WSCD2: variants seen among roughly 807,000 people sequenced by gnomAD.
WSCD2 encodes the protein WSC domain sialate O sulfotransferase 2, also known as sialate:O-sulfotransferase 2.
WSCD2 carries 28 observed loss-of-function variants against 55.7 expected under a neutral mutation model. That is an observed-to-expected ratio of 0.50 (90% CI 0.37 to 0.69). WSCD2 has a LOEUF of 0.69. Ranked by LOEUF, WSCD2 falls within the 30% of genes least tolerant of loss-of-function variation. The probability of loss-of-function intolerance (pLI) is 0.00; values close to 1 mark genes in which losing one functional copy is unlikely to be tolerated. For missense variants in WSCD2, 616 were observed against 762.1 expected (o/e 0.81, Z 2.26); for synonymous variants, 301 against 301.9 (o/e 1.00, Z 0.03).
intron 4 of WSCD2, among the ~76,000 whole-genome samples, chr12:108,214,265 C>T (rs1203987456): frequency 6.6e-6 from 1 of 152,144 alleles, no homozygotes; most frequent in Non-Finnish European, 1.5e-5. Flanking sequence ...TTTTTATCTC[C>T]CAAGGACCAT....
intron 7 of WSCD2, among the ~76,000 whole-genome samples, chr12:108,235,662 T>G (rs913537045): frequency 2.6e-5 from 4 of 152,132 alleles, no homozygotes; most frequent in Non-Finnish European, 5.9e-5. Context: ...AAAGAAAACA[T>G]AACCCCCCTG....
At chr12:108,196,343 G>C (rs1565954732) in intron 2 of WSCD2, 129 bp downstream of exon 2, 2 of 1,336,946 alleles carry the variant, frequency 1.5e-6, no homozygotes, top group Non-Finnish European at 2.0e-6. Context: ...GCTATAAATA[G>C]TGCCTGCCAT....
intron 1 of WSCD2, among the ~76,000 whole-genome samples, chr12:108,157,979 G>A (rs997691377): frequency 6.6e-6 from 1 of 152,078 alleles, no homozygotes; most frequent in African/African-American, 2.4e-5. Flanking sequence ...CTCCTCTGAG[G>A]CCACACAAAC....
chr12:108,185,776 C>T (rs1882403347), intron 1 of WSCD2, among the ~76,000 whole-genome samples: 1 of 152,118 alleles, frequency 6.6e-6, no homozygotes, highest in South Asian at 2.1e-4. Flanking sequence ...AACACTCTGC[C>T]CAGAACCAGC....
chr12:108,166,843 G>A lies in WSCD2; in HGVS notation c.-551-28439G>A, dbSNP rs147734091. Among the ~76,000 whole-genome samples the A allele has an allele frequency of 1.1e-3, 131 of 120,808 alleles. No individual in the cohort carries two copies. The East Asian group carries it at 0.028, about 26-fold the overall frequency. 79.3% of individuals were successfully genotyped at this position (120,808 alleles called of 152,430 possible). ...TTTTTTTTTTTTTTGACAGAGTCTCGCTCTGTTGCCCAGGCTGAAGTGTAG... is the reference window on the plus strand; with the variant it reads ...TTTTTTTTTTTTTTGACAGAGTCTCACTCTGTTGCCCAGGCTGAAGTGTAG... On this transcript the variant is annotated intron_variant, in intron 1 of 8. Coordinates refer to ENST00000547525, the MANE Select transcript of WSCD2 (RefSeq NM_014653.4).
chr12:108,161,196 G>A (rs1166696454), intron 1 of WSCD2, among the ~76,000 whole-genome samples: 1 of 152,190 alleles, frequency 6.6e-6, no homozygotes, highest in African/African-American at 2.4e-5. Context: ...TTGCAGAGCT[G>A]TTATAAGAAA....
At chr12:108,247,854 G>A (rs1345354502) in intron 8 of WSCD2, 137 bp from the exon 9 acceptor site, 2 of 1,015,520 alleles carry the variant, frequency 2.0e-6, no homozygotes, top group Non-Finnish European at 2.8e-6. Flanking sequence ...ACCTCACCTG[G>A]CCTGTATTAT....
chr12:108,184,175 A>G (rs1882156552), intron 1 of WSCD2, among the ~76,000 whole-genome samples: 2 of 151,990 alleles, frequency 1.3e-5, no homozygotes, highest in Non-Finnish European at 2.9e-5. Context: ...GATGGCTGTG[A>G]GCCCACCTCT....
chr12:108,220,213 T>G (rs1210643854), intron 4 of WSCD2, among the ~76,000 whole-genome samples: 1 of 152,256 alleles, frequency 6.6e-6, no homozygotes, highest in African/African-American at 2.4e-5. Context: ...ACCTGTTTTC[T>G]CTTCTTTATA....
At chr12:108,236,226 C>T (rs75548579) in intron 7 of WSCD2, among the ~76,000 whole-genome samples, 1,569 of 152,312 alleles carry the variant, frequency 0.01, 11 homozygotes, top group Non-Finnish European at 0.015. Flanking sequence ...CCCCTGGAGA[C>T]CTCAGTTTCC....
At chr12:108,226,241 T>C (rs543456235) in intron 5 of WSCD2, among the ~76,000 whole-genome samples, 1 of 152,044 alleles carries the variant, frequency 6.6e-6, no homozygotes, top group African/African-American at 2.4e-5. Flanking sequence ...TAGAAGCAAA[T>C]TGGGCAAAAG....
intron 1 of WSCD2, among the ~76,000 whole-genome samples, chr12:108,133,041 G>C (rs932429330): frequency 6.6e-6 from 1 of 152,296 alleles, no homozygotes. Flanking sequence ...ATGTGCATTT[G>C]ATTGTGTCTG....
chr12:108,145,069 C>A (rs1489717339), intron 1 of WSCD2, among the ~76,000 whole-genome samples: 1 of 152,244 alleles, frequency 6.6e-6, no homozygotes, highest in Admixed American at 6.5e-5. Context: ...CTCTGCTACT[C>A]ACTTACTATG....
Position 108,224,784 on chromosome 12 carries a change from T to C in WSCD2, c.728T>C (p.Leu243Pro). ...GGCTGCTTCCGCAGGCCCGACAACC[T>C]TTCCCTGGCCTTACCCGTGACAGCT... is the stretch of plus-strand genomic sequence containing the variant. The part of the protein sequence containing the change: ...FRGCFRRPDN[L>P]SLALPVTAAM... Residue 243 changes from leucine (L) to proline (P), a missense_variant, in exon 5 of 9, where the codon CTT (leucine) becomes CCT (proline). Physicochemically the swap from Leu to Pro is moderately conservative, Grantham distance 98. Around this residue, in one of 3 missense-constraint regions of WSCD2, gnomAD observed 374 missense variants for 467.4 expected, o/e 0.80. Transcript: ENST00000547525. The C allele has an allele frequency of 6.2e-7, 1 of 1,613,654 alleles. No individual in the cohort carries two copies.
chr12:108,198,001 C>A (rs1884158279), intron 2 of WSCD2, among the ~76,000 whole-genome samples: 1 of 150,294 alleles, frequency 6.7e-6, no homozygotes, highest in Admixed American at 6.7e-5. Context: ...TTAATCAAAC[C>A]TCGACTTCCC....
At chr12:108,132,762 A>G (rs1423298218) in intron 1 of WSCD2, among the ~76,000 whole-genome samples, 1 of 152,040 alleles carries the variant, frequency 6.6e-6, no homozygotes, top group Non-Finnish European at 1.5e-5. Flanking sequence ...TGTGTGTGTT[A>G]TTTGCATGTG....
chr12:108,219,514 A>G (rs1352756520), intron 4 of WSCD2, among the ~76,000 whole-genome samples: 1 of 151,362 alleles, frequency 6.6e-6, no homozygotes, highest in African/African-American at 2.5e-5. Flanking sequence ...CACTGCCCAA[A>G]CAATCTCAGT....
At chr12:108,202,121 C>A (rs138023525) in intron 2 of WSCD2, among the ~76,000 whole-genome samples, 3 of 152,228 alleles carry the variant, frequency 2.0e-5, no homozygotes, top group African/African-American at 7.2e-5. Flanking sequence ...AGGATTTTAG[C>A]GGGCTGGCAG....
At chr12:108,161,420 T>C (rs930123470) in intron 1 of WSCD2, among the ~76,000 whole-genome samples, 1 of 152,006 alleles carries the variant, frequency 6.6e-6, no homozygotes, top group Non-Finnish European at 1.5e-5. Context: ...AAGGGAAAAT[T>C]TGGACACAGA....
Sources: gnomAD v4.1 joint callset for allele counts (sites outside exome capture counted in the v4.1 genomes callset) on GRCh38, gnomAD v4.1.1 for gene constraint, gnomAD v4.1.1 regional missense constraint, MANE v1.5 for transcripts, NCBI Gene and HGNC (gene_info 2026-07-23, HGNC 2026-07-21) for gene names.